Variants in BICD2 observed in about 807,000 individuals in gnomAD.
BICD2 encodes the protein BICD cargo adaptor 2.
Under a neutral mutation model 72.9 loss-of-function variants are expected in BICD2, and 25 were observed. The ratio of observed to expected loss-of-function variants is 0.34; its 90% CI spans 0.25 to 0.48. BICD2 has a LOEUF of 0.48. BICD2 is among the 20% of genes least tolerant of loss of function. The pLI, the probability that BICD2 is intolerant of heterozygous loss-of-function variation, is 0.99. For synonymous variants in BICD2, 501 were observed against 516.1 expected (o/e 0.97, Z 0.40); for missense variants, 894 against 1,175.2 (o/e 0.76, Z 3.50).
intron 1 of BICD2, among the ~76,000 whole-genome samples, chr9:92,732,032 C>T (rs1853688929): frequency 6.6e-6 from 1 of 152,194 alleles, no homozygotes; most frequent in African/African-American, 2.4e-5. Context: ...CTCAAGAACA[C>T]ATGAAGGAAT....
chr9:92,731,117 C>T (rs1301499141), intron 1 of BICD2, among the ~76,000 whole-genome samples: 3 of 152,222 alleles, frequency 2.0e-5, no homozygotes, highest in African/African-American at 7.2e-5. Flanking sequence ...GGGTGAAGGG[C>T]CCGCCGGCTG....
chr9:92,740,230 G>A (rs916569697), intron 1 of BICD2, among the ~76,000 whole-genome samples: 1 of 152,146 alleles, frequency 6.6e-6, no homozygotes, highest in Non-Finnish European at 1.5e-5. Flanking sequence ...AGAGGATGCA[G>A]AATGACATCA....
At chr9:92,760,185 C>T (rs1037276324) in intron 1 of BICD2, among the ~76,000 whole-genome samples, 2 of 152,178 alleles carry the variant, frequency 1.3e-5, no homozygotes, top group African/African-American at 4.8e-5. Flanking sequence ...CGGTCCTGCT[C>T]AGGTGGTGCC....
intron 1 of BICD2, among the ~76,000 whole-genome samples, chr9:92,760,019 G>A (rs1205992011): frequency 6.6e-6 from 1 of 152,184 alleles, no homozygotes; most frequent in East Asian, 1.9e-4. Flanking sequence ...GGCTCACAGA[G>A]CACTGGGCCA....
intron 1 of BICD2, among the ~76,000 whole-genome samples, chr9:92,752,163 CA>C (rs1200946525): frequency 6.6e-6 from 1 of 152,112 alleles, no homozygotes; most frequent in Non-Finnish European, 1.5e-5. Flanking sequence ...GGCCTTAAAT[CA>C]AAGACACCCT....
chr9:92,722,957 G>T, intron 2 of BICD2, 149 bp from the exon 3 acceptor site: 1 of 962,334 alleles, frequency 1.0e-6, no homozygotes, highest in Non-Finnish European at 1.6e-6. Context: ...GGAGAGGAGA[G>T]GGAGCCCAGA....
intron 1 of BICD2, among the ~76,000 whole-genome samples, chr9:92,730,882 C>T (rs183929820): frequency 8.5e-5 from 13 of 152,360 alleles, no homozygotes; most frequent in Admixed American, 4.6e-4. Flanking sequence ...ACACCCACTA[C>T]GTGGAAGATG....
intron 1 of BICD2, among the ~76,000 whole-genome samples, chr9:92,758,785 C>A (rs1306334794): frequency 2.0e-5 from 3 of 151,286 alleles, no homozygotes; most frequent in Non-Finnish European, 4.4e-5. Context: ...ACCTGGGAGG[C>A]GGAGGTTGTG....
At chr9:92,723,682 G>A (rs1853509434) in intron 2 of BICD2, among the ~76,000 whole-genome samples, 1 of 152,180 alleles carries the variant, frequency 6.6e-6, no homozygotes, top group South Asian at 2.1e-4. Context: ...CCTTATGTGG[G>A]TGAACTATAT....
intron 2 of BICD2, among the ~76,000 whole-genome samples, chr9:92,723,889 C>T (rs60498616): frequency 0.2 from 30,529 of 152,088 alleles, 4,055 homozygotes; most frequent in East Asian, 0.72. Flanking sequence ...CATTCAGGGA[C>T]GTTTCTTCTT....
chr9:92,743,097 A>G (rs1013349845), intron 1 of BICD2, among the ~76,000 whole-genome samples: 1 of 152,210 alleles, frequency 6.6e-6, no homozygotes, highest in Admixed American at 6.5e-5. Context: ...CCCACTTGCA[A>G]CATAGGAGGA....
chr9:92,717,139 T>C (rs1016804731), intron 6 of BICD2, among the ~76,000 whole-genome samples: 5 of 152,008 alleles, frequency 3.3e-5, no homozygotes, highest in Non-Finnish European at 5.9e-5. Flanking sequence ...TGGGGGCAAA[T>C]ACCTCATGAG....
chr9:92,747,873 CAG>C (rs1427715073), intron 1 of BICD2, among the ~76,000 whole-genome samples: 1 of 152,222 alleles, frequency 6.6e-6, no homozygotes. Flanking sequence ...GGAAGACAGA[CAG>C]GGGGAACCTA....
rs1402116269 is a variant in BICD2, at chr9:92,719,196, C to T, written c.1449G>A (p.Glu483=). ...RYEAEGQALT[E]KVSLLEKASR... The stretch of plus-strand genomic sequence containing the variant: ...TGGCCTTCTCTAGCAGGGAGACCTT[C>T]TCCGTGAGTGCCTGGCCCTCAGCCT... Residue 483 remains glutamate, a synonymous_variant, in exon 5 of 7, where the codon GAG becomes GAA. Coordinates refer to ENST00000356884, the MANE Select transcript of BICD2 (RefSeq NM_001003800.2). The T allele has an allele frequency of 6.2e-7, 1 of 1,610,826 alleles. No individual in the cohort carries two copies. The highest frequency in any genetic ancestry group is 8.5e-7 in the Non-Finnish European group (1 of 1,179,978).
At chr9:92,726,977 C>T (rs1853579669) in intron 2 of BICD2, among the ~76,000 whole-genome samples, 2 of 152,200 alleles carry the variant, frequency 1.3e-5, no homozygotes, top group African/African-American at 4.8e-5. Flanking sequence ...CACCTGCACA[C>T]GCTTTTCAGG....
Position 92,742,378 on chromosome 9 carries a change from CT to C in BICD2, c.241-13143del, listed in dbSNP as rs1043689970. On this transcript the variant is annotated intron_variant, in intron 1 of 6. Transcript: ENST00000356884. ...GAACATCACCATTAATTCCACATTT[CT>C]TTTTTTTTTTTTTCTTTTTTTTTGA... is the stretch of plus-strand genomic sequence containing the variant. Among the ~76,000 whole-genome samples, 686 of 142,580 alleles carry C rather than the reference CT, an allele frequency of 4.8e-3. 2 individuals carry two copies. Among genetic ancestry groups the C allele is most frequent in the African/African-American group, 0.012 (475 of 38,918 alleles). The allele number at this position is 142,580 out of a possible 152,430, so 93.5% of individuals were successfully genotyped here.
At chr9:92,734,790 C>G (rs1198986639) in intron 1 of BICD2, among the ~76,000 whole-genome samples, 1 of 152,162 alleles carries the variant, frequency 6.6e-6, no homozygotes, top group African/African-American at 2.4e-5. Flanking sequence ...GGTATGATCC[C>G]CTGCCCACCC....
chr9:92,717,928 G>C lies in BICD2; in HGVS notation c.2127C>G (p.Ala709=), dbSNP rs1402359744. Residue 709 remains alanine (A), a synonymous_variant, in exon 6 of 7, where the codon GCC becomes GCG. Transcript: ENST00000356884. ...CATTCTCATACTTGCTCTTCAGGTT[G>C]GCAAGGGCCACCTCGGCCGTCTGGG... ...ANKQTAEVAL[A]NLKSKYENEK... 2.5e-6 allele frequency: 4 copies of C among 1,613,502 alleles called. No individual in the cohort carries two copies. Among genetic ancestry groups the C allele is most frequent in the Non-Finnish European group, 2.5e-6 (3 of 1,179,954 alleles).
Position 92,712,572 on chromosome 9 carries a change from T to C in BICD2, c.*2582A>G, listed in dbSNP as rs1587664099. On this transcript the variant is annotated 3_prime_UTR_variant, in exon 7 of 7. Transcript: ENST00000356884. ...AAAACAATTCCAATTTGGAATTTTA[T>C]TGGTACAGTTGTATAAAATTCTGTT... 1 of 152,600 alleles carries C rather than the reference T, an allele frequency of 6.6e-6. No individual in the cohort carries two copies. Among genetic ancestry groups the C allele is most frequent in the Admixed American group, 6.5e-5 (1 of 15,286 alleles). 9.5% of individuals were successfully genotyped at this position (152,600 alleles called of 1,614,324 possible).
Sources: allele counts gnomAD v4.1 joint callset (sites outside exome capture counted in the v4.1 genomes callset), GRCh38; gene constraint gnomAD v4.1.1; transcripts MANE v1.5; gene names NCBI Gene and HGNC (gene_info 2026-07-23, HGNC 2026-07-21).